Variants in TBC1D5 observed in about 807,000 individuals in gnomAD.
The protein encoded by TBC1D5 is TBC1 domain family, member 5.
A neutral mutation model predicts 100.3 loss-of-function variants in TBC1D5; 75 were observed. The ratio of observed to expected loss-of-function variants is 0.75; its 90% CI spans 0.62 to 0.91. TBC1D5 has a LOEUF of 0.91. Among genes scored for constraint, TBC1D5 ranks in the 40% least tolerant of loss-of-function variants. TBC1D5 has a pLI of 0.00. For synonymous variants in TBC1D5, 323 were observed against 325.6 expected (o/e 0.99, Z 0.09); for missense variants, 910 against 942.4 (o/e 0.97, Z 0.45).
At chr3:17,365,741 G>A (rs1314036189) in intron 13 of TBC1D5, among the ~76,000 whole-genome samples, 4 of 152,110 alleles carry the variant, frequency 2.6e-5, no homozygotes, top group African/African-American at 7.2e-5. Context: ...CCTAGCCTGG[G>A]TCTTTGATAT....
intron 4 of TBC1D5, among the ~76,000 whole-genome samples, chr3:17,425,958 C>T (rs920943084): frequency 6.6e-6 from 1 of 152,014 alleles, no homozygotes; most frequent in African/African-American, 2.4e-5. Flanking sequence ...CATTATAATG[C>T]CCATTTGATA....
intron 13 of TBC1D5, among the ~76,000 whole-genome samples, chr3:17,362,309 T>C (rs772786079): frequency 7.2e-5 from 11 of 152,170 alleles, no homozygotes; most frequent in Non-Finnish European, 1.3e-4. Context: ...GTTTGCTCTA[T>C]GAAAGACATG....
intron 13 of TBC1D5, among the ~76,000 whole-genome samples, chr3:17,327,751 A>T (rs1384752183): frequency 6.6e-6 from 1 of 151,800 alleles, no homozygotes; most frequent in African/African-American, 2.4e-5. Context: ...ATGTTCTCGT[A>T]TTTACTATGT....
chr3:17,623,065 C>T (rs2062792923), intron 2 of TBC1D5, among the ~76,000 whole-genome samples: 1 of 152,134 alleles, frequency 6.6e-6, no homozygotes, highest in African/African-American at 2.4e-5. Context: ...TCTTGAACTA[C>T]GGATAACCAA....
At chr3:17,521,633 AGTGAAGAAC>A (rs1407956072) in intron 2 of TBC1D5, among the ~76,000 whole-genome samples, 4 of 152,150 alleles carry the variant, frequency 2.6e-5, no homozygotes, top group African/African-American at 9.7e-5. Context: ...TATCTTTACC[AGTGAAGAAC>A]GTAAGTGCAT....
intron 1 of TBC1D5, among the ~76,000 whole-genome samples, chr3:17,705,606 G>T (rs1325807683): frequency 3.3e-4 from 42 of 128,730 alleles, no homozygotes; most frequent in African/African-American, 1.2e-3. Flanking sequence ...TCACATCCCA[G>T]ATGGGGCGGC....
At position 17,212,936 on chromosome 3, in the gene TBC1D5, T is replaced by G. The variant is rs187455749; in HGVS notation, c.1752+1271A>C. On this transcript the variant is annotated intron_variant, in intron 18 of 21. Transcript: ENST00000253692. ...GAAAGAACTATTGTTTAAATAAATT[T>G]AGTGTAGCCTAAGTGTACAGTGTTT... Among the ~76,000 whole-genome samples the G allele has an allele frequency of 7.9e-4, 120 of 152,276 alleles. 2 individuals carry two copies. In the South Asian group the frequency reaches 0.013, roughly 16 times the overall value.
chr3:17,256,281 T>G (rs115072433), intron 16 of TBC1D5, among the ~76,000 whole-genome samples: 1,955 of 151,876 alleles, frequency 0.013, 43 homozygotes, highest in African/African-American at 0.044. Context: ...AATTACTACA[T>G]TTTATTTAGT....
chr3:17,652,056 T>C (rs2065629232), intron 1 of TBC1D5, among the ~76,000 whole-genome samples: 1 of 152,162 alleles, frequency 6.6e-6, no homozygotes, highest in Non-Finnish European at 1.5e-5. Context: ...ACTAAAGACT[T>C]GATTTTAAAC....
intron 1 of TBC1D5, among the ~76,000 whole-genome samples, chr3:17,703,123 G>A (rs1380875439): frequency 2.6e-5 from 4 of 151,928 alleles, no homozygotes; most frequent in Non-Finnish European, 5.9e-5. Context: ...AAGAATATGT[G>A]GCCTTATCAT....
intron 3 of TBC1D5, among the ~76,000 whole-genome samples, chr3:17,459,938 G>A (rs967646573): frequency 6.6e-6 from 1 of 152,142 alleles, no homozygotes; most frequent in African/African-American, 2.4e-5. Context: ...GGATATATCT[G>A]GTTACATTTA....
At chr3:17,281,112 G>A (rs931277175) in intron 15 of TBC1D5, among the ~76,000 whole-genome samples, 1 of 152,156 alleles carries the variant, frequency 6.6e-6, no homozygotes, top group African/African-American at 2.4e-5. Flanking sequence ...CCCGTGAAGG[G>A]GTCAGGGAAA....
chr3:17,199,458 T>C (rs1427960271), intron 18 of TBC1D5, among the ~76,000 whole-genome samples: 1 of 152,244 alleles, frequency 6.6e-6, no homozygotes, highest in East Asian at 1.9e-4. Flanking sequence ...TGATATTTTA[T>C]GGAATATTTT....
chr3:17,657,237 A>C (rs2066164486), intron 1 of TBC1D5, among the ~76,000 whole-genome samples: 1 of 151,994 alleles, frequency 6.6e-6, no homozygotes, highest in Admixed American at 6.6e-5. Context: ...ATCTCCCAAC[A>C]AAAGCTGGGG....
intron 13 of TBC1D5, among the ~76,000 whole-genome samples, chr3:17,336,587 G>A (rs925818903): frequency 6.6e-6 from 1 of 151,924 alleles, no homozygotes; most frequent in Non-Finnish European, 1.5e-5. Flanking sequence ...ATGATAAAGA[G>A]GAAAGGGTGG....
intron 2 of TBC1D5, among the ~76,000 whole-genome samples, chr3:17,530,698 T>C (rs1161341870): frequency 1.3e-5 from 2 of 152,176 alleles, no homozygotes; most frequent in Admixed American, 6.5e-5. Context: ...TCAATAAACA[T>C]AATCCAGCAT....
At chr3:17,334,460 T>C (rs1368304157) in intron 13 of TBC1D5, among the ~76,000 whole-genome samples, 1 of 152,158 alleles carries the variant, frequency 6.6e-6, no homozygotes, top group Non-Finnish European at 1.5e-5. Context: ...AGTTAATTAT[T>C]ATGTCCCCAT....
chr3:17,173,268 T>C (rs2067350801), intron 19 of TBC1D5, among the ~76,000 whole-genome samples: 1 of 152,208 alleles, frequency 6.6e-6, no homozygotes, highest in Non-Finnish European at 1.5e-5. Context: ...TTCATGATTA[T>C]TTGTATGGCA....
At chr3:17,579,629 T>C (rs1055937861) in intron 2 of TBC1D5, among the ~76,000 whole-genome samples, 6 of 152,238 alleles carry the variant, frequency 3.9e-5, no homozygotes, top group South Asian at 4.1e-4. Flanking sequence ...ACTGCACATA[T>C]AGTGAAAACC....
Sources: gnomAD v4.1 joint callset for allele counts (sites outside exome capture counted in the v4.1 genomes callset) on GRCh38, gnomAD v4.1.1 for gene constraint, MANE v1.5 for transcripts, NCBI Gene and HGNC (gene_info 2026-07-23, HGNC 2026-07-21) for gene names.